The following LRBA variants were observed in gnomAD, a reference collection of about 807,000 sequenced individuals.
LRBA encodes lipopolysaccharide-responsive and beige-like anchor protein.
A neutral mutation model predicts 330.0 loss-of-function variants in LRBA; 176 were observed. The observed-to-expected ratio is 0.53, with a 90% CI of 0.47 to 0.60. The LOEUF (loss-of-function observed/expected upper bound fraction) is 0.60. Among genes scored for constraint, LRBA ranks in the 20% least tolerant of loss-of-function variants. The pLI, the probability that LRBA is intolerant of heterozygous loss-of-function variation, is 0.00. For missense variants in LRBA, 3,259 were observed against 3,444.8 expected, an observed-to-expected ratio of 0.95 and a Z score of 1.35; for synonymous variants, 1,230 against 1,193.0, an observed-to-expected ratio of 1.03 and a Z score of -0.64.
At chr4:150,575,971 A>G (rs1006890637) in intron 40 of LRBA, among the ~76,000 whole-genome samples, 5 of 151,906 alleles carry the variant, frequency 3.3e-5, no homozygotes, top group Admixed American at 2.0e-4. Context: ...GGCCAGCAAA[A>G]TTTGGTTCTC....
chr4:150,805,395 AGGAAG>A (rs1282122583), intron 33 of LRBA, among the ~76,000 whole-genome samples: 1 of 138,348 alleles, frequency 7.2e-6, no homozygotes, highest in African/African-American at 2.7e-5. Context: ...AGGAAAGGAA[AGGAAG>A]GGAAAAGGAA....
At chr4:150,382,941 G>A (rs1415965452) in intron 47 of LRBA, among the ~76,000 whole-genome samples, 1 of 152,172 alleles carries the variant, frequency 6.6e-6, no homozygotes, top group East Asian at 1.9e-4. Context: ...TTTGTGGGCT[G>A]CTAAAGTGGT....
intron 34 of LRBA, among the ~76,000 whole-genome samples, chr4:150,765,056 C>T (rs977889928): frequency 2.0e-5 from 3 of 147,798 alleles, no homozygotes; most frequent in African/African-American, 7.5e-5. Flanking sequence ...AATTGTGGTA[C>T]AACCAGACAA....
At chr4:150,982,302 G>A (rs1740937058) in intron 2 of LRBA, among the ~76,000 whole-genome samples, 1 of 152,106 alleles carries the variant, frequency 6.6e-6, no homozygotes, top group South Asian at 2.1e-4. Flanking sequence ...TACGTACATT[G>A]TGAGGAAATC....
At chr4:150,576,526 C>T (rs1770570743) in intron 40 of LRBA, among the ~76,000 whole-genome samples, 1 of 151,862 alleles carries the variant, frequency 6.6e-6, no homozygotes, top group Admixed American at 6.6e-5. Context: ...TTTTCCTGAG[C>T]ACAAGTCCCT....
At chr4:150,610,312 A>G (rs1050289381) in intron 37 of LRBA, among the ~76,000 whole-genome samples, 2 of 152,166 alleles carry the variant, frequency 1.3e-5, no homozygotes, top group African/African-American at 4.8e-5. Flanking sequence ...AGCTGAGGCC[A>G]GGTGTGGTGG....
intron 2 of LRBA, among the ~76,000 whole-genome samples, chr4:150,945,369 T>C (rs919452454): frequency 5.9e-5 from 9 of 152,234 alleles, no homozygotes; most frequent in African/African-American, 2.2e-4. Flanking sequence ...TGGAATATTG[T>C]ACAGCCTTTA....
At chr4:150,453,415 A>G (rs1395238282) in intron 44 of LRBA, among the ~76,000 whole-genome samples, 1 of 152,186 alleles carries the variant, frequency 6.6e-6, no homozygotes, top group African/African-American at 2.4e-5. Flanking sequence ...ACCTCCAGAG[A>G]AAAAGTCTTT....
At chr4:150,504,351 G>A (rs971032643) in intron 40 of LRBA, among the ~76,000 whole-genome samples, 3 of 152,124 alleles carry the variant, frequency 2.0e-5, no homozygotes, top group African/African-American at 4.8e-5. Flanking sequence ...GAGAAAGGTC[G>A]GGTTACCCAC....
chr4:150,968,299 G>A (rs544756713), intron 2 of LRBA, among the ~76,000 whole-genome samples: 11 of 152,194 alleles, frequency 7.2e-5, no homozygotes, highest in South Asian at 2.1e-4. Context: ...CACTGTGCCC[G>A]GCCGCACATC....
rs770594916 is a variant in LRBA, at chr4:150,712,589, CCTTAA to C, written c.5754+22664_5754+22668del. ...TGTCATGTTCTCTCCTCAGAAAATT[CCTTAA>C]CTTGTCACCTGACAACCAAATTTCA... On this transcript the variant is annotated intron_variant, in intron 36 of 56. Transcript: ENST00000651943. 8.5e-5 allele frequency among the ~76,000 whole-genome samples: 13 copies of C among 152,234 alleles called. No homozygotes were observed. In the East Asian group the frequency reaches 9.7e-4, roughly 11 times the overall value.
intron 47 of LRBA, among the ~76,000 whole-genome samples, chr4:150,358,642 ATTAAT>A (rs1241561449): frequency 1.3e-5 from 2 of 152,134 alleles, no homozygotes; most frequent in Non-Finnish European, 2.9e-5. Flanking sequence ...TAATTAAAAT[ATTAAT>A]TTAAAGTGGT....
At chr4:150,585,971 T>C (rs1772066114) in intron 40 of LRBA, among the ~76,000 whole-genome samples, 1 of 152,180 alleles carries the variant, frequency 6.6e-6, no homozygotes, top group Non-Finnish European at 1.5e-5. Flanking sequence ...GTTAAAAATA[T>C]AAACTTTGAT....
intron 40 of LRBA, among the ~76,000 whole-genome samples, chr4:150,507,838 C>T (rs551873142): frequency 4.1e-4 from 62 of 151,936 alleles, no homozygotes; most frequent in Non-Finnish European, 8.1e-4. Context: ...AAATGTCCAA[C>T]AACGACAGAC....
rs1165440247 is a variant in LRBA, at chr4:150,299,322, A to G, written c.8017+3303T>C. On this transcript the variant is annotated intron_variant, in intron 53 of 56. Coordinates refer to ENST00000651943, the MANE Select transcript of LRBA (RefSeq NM_001364905.1). ...ATTCATTTTTCTTCTCATTGAAAAA[A>G]CTGCATTCCACAGGAGATAATTATT... Among the ~76,000 whole-genome samples the G allele has an allele frequency of 2.6e-5, 4 of 152,054 alleles. No homozygotes were observed. The South Asian group carries it at 6.2e-4, about 24-fold the overall frequency.
intron 40 of LRBA, among the ~76,000 whole-genome samples, chr4:150,555,916 A>C (rs2152258153): frequency 6.6e-6 from 1 of 152,048 alleles, no homozygotes; most frequent in South Asian, 2.1e-4. Flanking sequence ...AATCCTCCCA[A>C]GTCAGTAGCC....
intron 40 of LRBA, among the ~76,000 whole-genome samples, chr4:150,578,661 T>C (rs1581724618): frequency 6.6e-6 from 1 of 152,340 alleles, no homozygotes; most frequent in East Asian, 1.9e-4. Flanking sequence ...GACTAAAGTT[T>C]TAAACATCCT....
rs528664109 is a variant in LRBA at position 150,614,160 on chromosome 4, C to T, written c.5922-15029G>A. Reference sequence around the variant, plus strand: ...TACCATCATAGTTAATGATTAAAGGCTTACCCTTTCATTTTTGGCTTGTTA... The same window carrying T: ...TACCATCATAGTTAATGATTAAAGGTTTACCCTTTCATTTTTGGCTTGTTA... On this transcript the variant is annotated intron_variant, in intron 37 of 56. Coordinates refer to ENST00000651943, the MANE Select transcript of LRBA (RefSeq NM_001364905.1). 1.3e-4 allele frequency among the ~76,000 whole-genome samples: 20 copies of T among 152,276 alleles called. No homozygotes were observed. In the South Asian group the frequency reaches 4.1e-3, roughly 32 times the overall value.
intron 53 of LRBA, among the ~76,000 whole-genome samples, chr4:150,298,425 A>G (rs1009487237): frequency 2.6e-5 from 4 of 152,112 alleles, no homozygotes; most frequent in African/African-American, 9.7e-5. Context: ...TTATAGCAGG[A>G]ATGTCTCATT....
Sources: allele counts gnomAD v4.1 joint callset (sites outside exome capture counted in the v4.1 genomes callset), GRCh38; gene constraint gnomAD v4.1.1; transcripts MANE v1.5; gene names NCBI Gene and HGNC (gene_info 2026-07-23, HGNC 2026-07-21).